Variants in GALNT8 observed in about 807,000 individuals in gnomAD.
GALNT8 encodes the protein probable polypeptide N-acetylgalactosaminyltransferase 8.
Under a neutral mutation model 62.7 loss-of-function variants are expected in GALNT8, and 66 were observed. That is an observed-to-expected ratio of 1.05 (90% CI 0.86 to 1.29). The LOEUF (loss-of-function observed/expected upper bound fraction) is 1.29, where lower values mean the gene tolerates loss of function less well. GALNT8 is among the 50% of genes most tolerant of loss of function. The probability of loss-of-function intolerance (pLI) is 0.00; values close to 1 mark genes in which losing one functional copy is unlikely to be tolerated. For missense variants in GALNT8, 771 were observed against 791.8 expected (o/e 0.97, Z 0.32); for synonymous variants, 288 against 294.3 (o/e 0.98, Z 0.22).
At chr12:4,770,763 G>A (rs983780930) in intron 10 of GALNT8, among the ~76,000 whole-genome samples, 128 of 152,098 alleles carry the variant, frequency 8.4e-4, no homozygotes, top group African/African-American at 2.9e-3. Context: ...CTATTGCCTC[G>A]TTGCTTGGGA....
intron 6 of GALNT8, among the ~76,000 whole-genome samples, chr12:4,760,387 A>G (rs74350887): frequency 0.011 from 1,619 of 152,268 alleles, 26 homozygotes; most frequent in African/African-American, 0.037. Flanking sequence ...TCTTGGCAAA[A>G]TGGACCCTCC....
At chr12:4,754,581 C>A (rs1946336244) in intron 6 of GALNT8, among the ~76,000 whole-genome samples, 1 of 152,144 alleles carries the variant, frequency 6.6e-6, no homozygotes. Flanking sequence ...TTAAGACTCA[C>A]CCATCAGGGA....
intron 10 of GALNT8, among the ~76,000 whole-genome samples, chr12:4,771,744 G>A (rs1293284840): frequency 3.9e-5 from 6 of 152,102 alleles, no homozygotes; most frequent in Non-Finnish European, 8.8e-5. Flanking sequence ...AGAGAGGGCC[G>A]GGAGCAGAGG....
chr12:4,764,731 T>C (rs1008826988), intron 9 of GALNT8, among the ~76,000 whole-genome samples: 16 of 151,122 alleles, frequency 1.1e-4, no homozygotes, highest in Non-Finnish European at 1.8e-4. Flanking sequence ...TTTTTTTTTT[T>C]TTAGCAGAGA....
chr12:4,771,134 G>C (rs969389478), intron 10 of GALNT8, among the ~76,000 whole-genome samples: 2 of 152,174 alleles, frequency 1.3e-5, no homozygotes, highest in African/African-American at 4.8e-5. Context: ...AGTGCCAGGT[G>C]GGGGCTGACA....
chr12:4,754,075 G>A (rs888691088), intron 6 of GALNT8, among the ~76,000 whole-genome samples: 1 of 152,150 alleles, frequency 6.6e-6, no homozygotes, highest in Non-Finnish European at 1.5e-5. Flanking sequence ...ACCTAAAGCT[G>A]GGGGTGGAGT....
In GALNT8 at chr12:4,760,680, G is replaced by A. The variant is rs113484860; in HGVS notation, c.1174-278G>A. Among the ~76,000 whole-genome samples the A allele has an allele frequency of 3.4e-3, 518 of 152,316 alleles. 2 individuals are homozygous for A. The highest frequency in any genetic ancestry group is 0.011 in the African/African-American group (454 of 41,580). Reference sequence around the variant, plus strand: ...ACATGGGCACTTTCCTTGGGGATAAGGGAGCAGAGGCAGCCCCTCCTTTGG... The same window carrying A: ...ACATGGGCACTTTCCTTGGGGATAAAGGAGCAGAGGCAGCCCCTCCTTTGG... On this transcript the variant is annotated intron_variant, in intron 6 of 10. Coordinates refer to ENST00000252318, the MANE Select transcript of GALNT8 (RefSeq NM_017417.2).
chr12:4,759,400 C>G (rs1428369043), intron 6 of GALNT8, among the ~76,000 whole-genome samples: 2 of 151,084 alleles, frequency 1.3e-5, no homozygotes, highest in East Asian at 3.9e-4. Flanking sequence ...AGTGGCTGTG[C>G]CCTTATAGCA....
intron 10 of GALNT8, 41 bp from the exon 11 acceptor site, chr12:4,772,404 A>T (rs753128322): frequency 1.3e-6 from 2 of 1,581,090 alleles, no homozygotes; most frequent in East Asian, 2.2e-5. Flanking sequence ...TGAATTACTG[A>T]GGCATTTCAG....
At chr12:4,730,724 A>G (rs1444584388) in intron 2 of GALNT8, among the ~76,000 whole-genome samples, 1 of 152,098 alleles carries the variant, frequency 6.6e-6, no homozygotes, top group Admixed American at 6.5e-5. Flanking sequence ...TAGAACTTTT[A>G]GAGTTGTTTT....
chr12:4,739,062 AATTGGTCG>A, intron 2 of GALNT8, 93 bp from the exon 3 acceptor site: 1 of 634,384 alleles, frequency 1.6e-6, no homozygotes, highest in Non-Finnish European at 2.5e-6. Context: ...GGGGTGGATG[AATTGGTCG>A]ATATAACATC....
intron 10 of GALNT8, among the ~76,000 whole-genome samples, chr12:4,767,623 A>T (rs963439238): frequency 2.0e-4 from 30 of 152,332 alleles, no homozygotes; most frequent in African/African-American, 7.0e-4. Context: ...TTCCTACAGA[A>T]GAATAGGCTG....
At chr12:4,766,334 A>G (rs1368814586) in intron 10 of GALNT8, among the ~76,000 whole-genome samples, 1 of 152,202 alleles carries the variant, frequency 6.6e-6, no homozygotes, top group African/African-American at 2.4e-5. Flanking sequence ...CAGTTTCCTC[A>G]TTATAAAATG....
chr12:4,761,196 CG>C (rs982327543), intron 7 of GALNT8, 53 bp downstream of exon 7: 2 of 1,518,258 alleles, frequency 1.3e-6, no homozygotes, highest in African/African-American at 2.7e-5. Flanking sequence ...GAGGAGGTGG[CG>C]GTTATGTAAT....
intron 2 of GALNT8, among the ~76,000 whole-genome samples, chr12:4,734,576 C>T (rs1946235989): frequency 6.6e-6 from 1 of 152,030 alleles, no homozygotes; most frequent in Non-Finnish European, 1.5e-5. Context: ...CAGGGTTGGC[C>T]TTAGGTGAGG....
At chr12:4,721,306 GAC>G (rs1200010647) in intron 1 of GALNT8, among the ~76,000 whole-genome samples, 1 of 152,110 alleles carries the variant, frequency 6.6e-6, no homozygotes, top group African/African-American at 2.4e-5. Flanking sequence ...AAGAGAAAAA[GAC>G]ACAGAAACAA....
chr12:4,749,080 A>G lies in GALNT8; in HGVS notation c.1173+2822A>G, dbSNP rs1417168145. Reference sequence around the variant, plus strand: ...GATTGTCCATCCTGCAACTTTACTGAATTTATCAGTTCGAATAGTTTTTTG... The same window carrying G: ...GATTGTCCATCCTGCAACTTTACTGGATTTATCAGTTCGAATAGTTTTTTG... On this transcript the variant is annotated intron_variant, in intron 6 of 10. Coordinates refer to ENST00000252318, the MANE Select transcript of GALNT8 (RefSeq NM_017417.2). The surrounding 1 kb of genome is among the most constrained non-coding windows in gnomAD (Gnocchi z 4.1). Among the ~76,000 whole-genome samples the G allele has an allele frequency of 1.3e-5, 2 of 152,138 alleles. No individual in the cohort carries two copies. Among genetic ancestry groups the G allele is most frequent in the East Asian group, 3.8e-4 (2 of 5,200 alleles).
Position 4,772,362 on chromosome 12 carries a change from C to G in GALNT8, c.1762-83C>G, listed in dbSNP as rs1214977318. 8.8e-6 allele frequency: 11 copies of G among 1,246,236 alleles called. No individual in the cohort carries two copies. The Admixed American group carries it at 1.8e-4, about 20-fold the overall frequency. The allele number at this position is 1,246,236 out of a possible 1,614,324, so 77.2% of individuals were successfully genotyped here. The stretch of plus-strand genomic sequence containing the variant: ...GGGGTCCCTCAAGAATGTGGCTGAG[C>G]ACAGCAGGGAGAGCAGGGCTAGAAG... On this transcript the variant is annotated intron_variant, in intron 10 of 10. Transcript: ENST00000252318.
intron 2 of GALNT8, among the ~76,000 whole-genome samples, chr12:4,734,597 C>T (rs10849134): frequency 0.78 from 118,479 of 151,354 alleles, 46,787 homozygotes; most frequent in Non-Finnish European, 0.82. Flanking sequence ...TCTTCACACC[C>T]TCCCACCTGT....
Sources: gnomAD v4.1 joint callset for allele counts (sites outside exome capture counted in the v4.1 genomes callset) on GRCh38, gnomAD v4.1.1 for gene constraint, Gnocchi (gnomAD v3.1) non-coding constraint, MANE v1.5 for transcripts, NCBI Gene and HGNC (gene_info 2026-07-23, HGNC 2026-07-21) for gene names.